The following LRP1B variants were observed in gnomAD, a reference collection of about 807,000 sequenced individuals.
LRP1B encodes low-density lipoprotein receptor-related protein 1B.
A neutral mutation model predicts 556.6 loss-of-function variants in LRP1B; 217 were observed. That is an observed-to-expected ratio of 0.39 (90% CI 0.35 to 0.44). The LOEUF is 0.44. LRP1B is among the 20% of genes least tolerant of loss of function. LRP1B has a pLI of 1.00. For missense variants in LRP1B, 5,053 were observed against 5,620.8 expected (o/e 0.90, Z 3.23); for synonymous variants, 2,047 against 1,865.8 (o/e 1.10, Z -2.50).
intron 1 of LRP1B, among the ~76,000 whole-genome samples, chr2:142,014,332 A>T (rs1289781326): frequency 1.3e-5 from 2 of 152,130 alleles, no homozygotes; most frequent in Non-Finnish European, 2.9e-5. Context: ...ATCTGTTTGC[A>T]TTTTTTATGG....
intron 2 of LRP1B, among the ~76,000 whole-genome samples, chr2:141,549,318 G>A (rs564138164): frequency 3.6e-4 from 55 of 152,094 alleles, no homozygotes; most frequent in Non-Finnish European, 6.3e-4. Context: ...ATAGAAGCTG[G>A]CACAAAGTGA....
intron 2 of LRP1B, among the ~76,000 whole-genome samples, chr2:141,578,643 A>G (rs1391041823): frequency 6.6e-6 from 1 of 152,230 alleles, no homozygotes; most frequent in East Asian, 1.9e-4. Context: ...GAAAACTTCC[A>G]AAACTAAAAT....
At chr2:141,891,141 C>G (rs920504775) in intron 1 of LRP1B, among the ~76,000 whole-genome samples, 26 of 151,754 alleles carry the variant, frequency 1.7e-4, no homozygotes, top group African/African-American at 6.3e-4. Flanking sequence ...TTTTCTTTTC[C>G]TTTTTTTTAA....
At chr2:140,514,528 C>A in intron 51 of LRP1B, 125 bp downstream of exon 51, 1 of 740,372 alleles carries the variant, frequency 1.4e-6, no homozygotes. Flanking sequence ...AAAACAGCTA[C>A]CTAGAAAGGT....
intron 2 of LRP1B, among the ~76,000 whole-genome samples, chr2:141,783,152 TAC>T (rs879541851): frequency 9.2e-5 from 14 of 152,184 alleles, no homozygotes; most frequent in Non-Finnish European, 1.6e-4. Flanking sequence ...GGCTGAGAGA[TAC>T]AGTCAGCCCA....
At chr2:141,043,651 C>A (rs1698774268) in intron 11 of LRP1B, among the ~76,000 whole-genome samples, 1 of 151,828 alleles carries the variant, frequency 6.6e-6, no homozygotes, top group Admixed American at 6.6e-5. Context: ...TTTAACATTT[C>A]TTCTATTTAA....
intron 14 of LRP1B, among the ~76,000 whole-genome samples, chr2:141,013,001 C>T (rs142461717): frequency 0.01 from 1,568 of 149,754 alleles, 28 homozygotes; most frequent in African/African-American, 0.035. Flanking sequence ...ATAACTTATG[C>T]AAGTAAAACA....
chr2:141,271,710 T>A (rs1458041378), intron 3 of LRP1B, among the ~76,000 whole-genome samples: 1 of 148,572 alleles, frequency 6.7e-6, no homozygotes, highest in Non-Finnish European at 1.5e-5. Flanking sequence ...TTATAAGAAA[T>A]ACTAAAGGAA....
At chr2:140,267,612 C>T (rs560421980) in intron 86 of LRP1B, among the ~76,000 whole-genome samples, 6 of 151,922 alleles carry the variant, frequency 3.9e-5, no homozygotes, top group South Asian at 4.2e-4. Flanking sequence ...AAAGTCTGTA[C>T]GGGGTCAGCA....
At chr2:141,599,564 T>C (rs1687656516) in intron 2 of LRP1B, among the ~76,000 whole-genome samples, 1 of 152,130 alleles carries the variant, frequency 6.6e-6, no homozygotes, top group Non-Finnish European at 1.5e-5. Context: ...TCAGAATGCA[T>C]GGATCGATTG....
chr2:140,815,867 CTTT>C (rs36080198), intron 31 of LRP1B, among the ~76,000 whole-genome samples: 5 of 91,230 alleles, frequency 5.5e-5, no homozygotes, highest in African/African-American at 7.0e-5. Flanking sequence ...TGTTGTCTCT[CTTT>C]TTTTTTTTTT....
At chr2:141,793,929 T>C (rs901172415) in intron 2 of LRP1B, among the ~76,000 whole-genome samples, 8 of 151,948 alleles carry the variant, frequency 5.3e-5, no homozygotes, top group Admixed American at 2.0e-4. Flanking sequence ...ACTTGTTAAC[T>C]AAGTAGTTTT....
chr2:141,238,039 G>A (rs1341984477), intron 5 of LRP1B, among the ~76,000 whole-genome samples: 1 of 151,960 alleles, frequency 6.6e-6, no homozygotes, highest in Admixed American at 6.6e-5. Flanking sequence ...ATTTTAATCA[G>A]AAAAAATGAA....
In LRP1B at chr2:141,049,215, C is replaced by A. The variant is rs764810174; in HGVS notation, c.1560G>T (p.Lys520Asn). ...GSDGRSCKRP[K>N]NELFLFYGKG... The stretch of plus-strand genomic sequence containing the variant: ...TCCCATAAAAGAGGAACAACTCATT[C>A]TTTGGTCCTGCAGAGGAAAGATTAC... Residue 520 changes from lysine (K) to asparagine (N), a missense_variant, in exon 11 of 91, where the codon AAG (lysine) becomes AAT (asparagine). Lys to Asn is a moderately conservative substitution (Grantham distance 94, BLOSUM62 0). Coordinates refer to ENST00000389484, the MANE Select transcript of LRP1B (RefSeq NM_018557.3). 10 of 1,605,088 alleles carry A rather than the reference C, an allele frequency of 6.2e-6. No individual in the cohort carries two copies. In the Admixed American group the frequency reaches 1.5e-4, roughly 24 times the overall value.
intron 2 of LRP1B, among the ~76,000 whole-genome samples, chr2:141,793,816 G>C (rs1695707659): frequency 6.6e-6 from 1 of 151,748 alleles, no homozygotes; most frequent in South Asian, 2.1e-4. Context: ...GAATCTAAAT[G>C]CATTTCCCTT....
rs2105016770 is a variant in LRP1B, at chr2:140,541,016, G to C, written c.7470C>G (p.Ser2490=). 6.2e-7 allele frequency: 1 copy of C among 1,611,738 alleles called. No individual in the cohort carries two copies. The highest frequency in any genetic ancestry group is 8.5e-7 in the Non-Finnish European group (1 of 1,178,426). Residue 2490 remains serine (S), a synonymous_variant, in exon 45 of 91, where the codon TCC becomes TCG. Transcript: ENST00000389484. ...CTAGCAATATTCGGTCCCCTCTGCAGGAACAATTCACTCTCCCATTGGGAG... is the reference window on the plus strand; with the variant it reads ...CTAGCAATATTCGGTCCCCTCTGCACGAACAATTCACTCTCCCATTGGGAG... ...LLTPNGRVNC[S]CRGDRILLED...
At chr2:140,906,888 C>T (rs1246895750) in intron 22 of LRP1B, among the ~76,000 whole-genome samples, 1 of 150,710 alleles carries the variant, frequency 6.6e-6, no homozygotes, top group African/African-American at 2.4e-5. Flanking sequence ...ATTTTAGCCT[C>T]ATCGAATGAA....
intron 18 of LRP1B, among the ~76,000 whole-genome samples, chr2:140,966,719 A>G (rs1443532227): frequency 6.6e-6 from 1 of 152,114 alleles, no homozygotes; most frequent in African/African-American, 2.4e-5. Flanking sequence ...TAATTTTTTT[A>G]TAAGGTGTAA....
chr2:140,937,713 T>C (rs1271024071), intron 20 of LRP1B, among the ~76,000 whole-genome samples: 1 of 152,080 alleles, frequency 6.6e-6, no homozygotes, highest in Non-Finnish European at 1.5e-5. Context: ...TATCTTGTTT[T>C]CTATGTGATA....
Sources: allele counts gnomAD v4.1 joint callset (sites outside exome capture counted in the v4.1 genomes callset), GRCh38; gene constraint gnomAD v4.1.1; transcripts MANE v1.5; gene names NCBI Gene and HGNC (gene_info 2026-07-23, HGNC 2026-07-21).